The following TSHZ2 variants were observed in gnomAD, a reference collection of about 807,000 sequenced individuals.
The protein encoded by TSHZ2 is teashirt homolog 2.
A neutral mutation model predicts 74.4 loss-of-function variants in TSHZ2; 21 were observed. The ratio of observed to expected loss-of-function variants is 0.28; its 90% CI spans 0.20 to 0.41. The LOEUF is 0.41. Among genes scored for constraint, TSHZ2 ranks in the 10% least tolerant of loss-of-function variants. The probability of loss-of-function intolerance (pLI) is 1.00; values close to 1 mark genes in which losing one functional copy is unlikely to be tolerated. For missense variants in TSHZ2, 1,244 were observed against 1,293.5 expected (o/e 0.96, Z 0.59); for synonymous variants, 540 against 515.3 (o/e 1.05, Z -0.65).
chr20:53,334,572 C>T (rs1445793300), intron 2 of TSHZ2, among the ~76,000 whole-genome samples: 2 of 152,008 alleles, frequency 1.3e-5, no homozygotes, highest in African/African-American at 2.4e-5. Context: ...TTCCAGTGTG[C>T]GGCCAAGGGG....
At chr20:53,341,602 G>C (rs1406155077) in intron 2 of TSHZ2, among the ~76,000 whole-genome samples, 1 of 151,864 alleles carries the variant, frequency 6.6e-6, no homozygotes, top group East Asian at 1.9e-4. Flanking sequence ...TGGAATTACA[G>C]GCTTAAACCG....
chr20:53,153,790 C>T (rs1429651467), intron 1 of TSHZ2, among the ~76,000 whole-genome samples: 8 of 152,156 alleles, frequency 5.3e-5, no homozygotes, highest in Admixed American at 3.9e-4. Context: ...AAAACAGGGA[C>T]CACTTATTTA....
intron 1 of TSHZ2, among the ~76,000 whole-genome samples, chr20:53,156,788 A>G (rs929631015): frequency 2.0e-5 from 3 of 152,198 alleles, no homozygotes; most frequent in Non-Finnish European, 4.4e-5. Flanking sequence ...TTTCTGGCCT[A>G]CTTCATTTCC....
At chr20:52,987,532 C>CCTCT (rs373185852) in intron 1 of TSHZ2, among the ~76,000 whole-genome samples, 1 of 149,456 alleles carries the variant, frequency 6.7e-6, no homozygotes, top group Admixed American at 6.7e-5. Flanking sequence ...TTCTCTCTCT[C>CCTCT]CTCTCTCTCT....
Position 53,445,176 on chromosome 20 carries a change from G to A in TSHZ2, c.*9-41968G>A, listed in dbSNP as rs117809135. Among the ~76,000 whole-genome samples the A allele has an allele frequency of 2.2e-4, 34 of 152,310 alleles. No homozygotes were observed. In the East Asian group the frequency reaches 6.6e-3, roughly 29 times the overall value. On this transcript the variant is annotated intron_variant, in intron 2 of 2. Coordinates refer to ENST00000371497, the MANE Select transcript of TSHZ2 (RefSeq NM_173485.6). ...CAGCTACCAATCCTGGATGCAAACTGCTGTGCAGAATAATTGTCAAATGCT... is the reference window on the plus strand; with the variant it reads ...CAGCTACCAATCCTGGATGCAAACTACTGTGCAGAATAATTGTCAAATGCT...
At chr20:53,111,419 G>A (rs56785541) in intron 1 of TSHZ2, among the ~76,000 whole-genome samples, 9,853 of 152,138 alleles carry the variant, frequency 0.065, 762 homozygotes, top group East Asian at 0.37. Context: ...CATGAAAGGG[G>A]CTCTGATCCC....
intron 2 of TSHZ2, among the ~76,000 whole-genome samples, chr20:53,345,446 G>A (rs899881724): frequency 1.3e-4 from 20 of 151,744 alleles, no homozygotes; most frequent in Admixed American, 1.3e-4. Flanking sequence ...AGTGTAGACC[G>A]CCATAGGAAA....
At chr20:53,439,361 T>G (rs1012500714) in intron 2 of TSHZ2, among the ~76,000 whole-genome samples, 19 of 152,176 alleles carry the variant, frequency 1.2e-4, no homozygotes, top group Admixed American at 2.0e-4. Context: ...AAAAAAAAAT[T>G]TTTAACCTAA....
intron 1 of TSHZ2, among the ~76,000 whole-genome samples, chr20:53,114,729 A>G (rs965659928): frequency 1.1e-4 from 16 of 152,134 alleles, no homozygotes; most frequent in Non-Finnish European, 1.9e-4. Context: ...CCTAATTTCC[A>G]CTGAAATTCT....
intron 2 of TSHZ2, among the ~76,000 whole-genome samples, chr20:53,485,421 T>C (rs1036389409): frequency 6.6e-6 from 1 of 151,958 alleles, no homozygotes; most frequent in Non-Finnish European, 1.5e-5. Context: ...ACGAAATGCA[T>C]GGGAAGGCCA....
chr20:53,485,476 A>AG (rs1477189226), intron 2 of TSHZ2, among the ~76,000 whole-genome samples: 42 of 152,312 alleles, frequency 2.8e-4, no homozygotes, highest in African/African-American at 9.1e-4. Context: ...TGGGAGGCTG[A>AG]GGCAGGCGGA....
intron 1 of TSHZ2, among the ~76,000 whole-genome samples, chr20:53,046,040 C>T (rs1419267245): frequency 6.6e-6 from 1 of 152,162 alleles, no homozygotes; most frequent in Non-Finnish European, 1.5e-5. Context: ...CATTCTGTGA[C>T]TCCAAGATCC....
rs180917431 is a variant in TSHZ2, at chr20:53,068,947, G to A, written c.40+95614G>A. Reference sequence around the variant, plus strand: ...TAGAAGTTGAACACCTAAGAACCCCGTTTTTCTTAAAATAAAAAAAAAGGT... The same window carrying A: ...TAGAAGTTGAACACCTAAGAACCCCATTTTTCTTAAAATAAAAAAAAAGGT... On this transcript the variant is annotated intron_variant, in intron 1 of 2. Transcript: ENST00000371497. Among the ~76,000 whole-genome samples the A allele has an allele frequency of 9.3e-5, 14 of 149,758 alleles. No homozygotes were observed. The South Asian group carries it at 1.3e-3, about 14-fold the overall frequency.
intron 2 of TSHZ2, among the ~76,000 whole-genome samples, chr20:53,469,626 A>AGGG: frequency 1.8e-5 from 1 of 55,794 alleles, no homozygotes; most frequent in South Asian, 8.6e-4. Context: ...GAGAGGGAGG[A>AGGG]AGGGAGGGAG....
intron 1 of TSHZ2, among the ~76,000 whole-genome samples, chr20:53,001,178 T>G (rs1013958256): frequency 1.6e-5 from 2 of 128,716 alleles, no homozygotes; most frequent in Non-Finnish European, 1.8e-5. Flanking sequence ...GGGTTTACAA[T>G]GACAATGTTG....
chr20:53,102,564 A>G (rs1034776896), intron 1 of TSHZ2, among the ~76,000 whole-genome samples: 1 of 152,094 alleles, frequency 6.6e-6, no homozygotes, highest in African/African-American at 2.4e-5. Flanking sequence ...GAAGGGTGCA[A>G]TTTACGGAGA....
intron 2 of TSHZ2, among the ~76,000 whole-genome samples, chr20:53,298,891 C>T (rs939986451): frequency 2.0e-5 from 3 of 152,174 alleles, no homozygotes; most frequent in African/African-American, 7.2e-5. Flanking sequence ...CTTTTTGTCT[C>T]ATTTTTGAGA....
At chr20:53,283,090 C>T (rs943304054) in intron 2 of TSHZ2, among the ~76,000 whole-genome samples, 8 of 152,174 alleles carry the variant, frequency 5.3e-5, no homozygotes, top group African/African-American at 9.7e-5. Flanking sequence ...ATGGAGTTAG[C>T]GCCCTACCAG....
intron 1 of TSHZ2, among the ~76,000 whole-genome samples, chr20:53,123,201 C>T (rs6013636): frequency 5.5e-4 from 84 of 152,258 alleles, no homozygotes; most frequent in African/African-American, 2.0e-3. Flanking sequence ...TATTCTCATC[C>T]GTGTCAGTTA....
Sources: allele counts gnomAD v4.1 joint callset (sites outside exome capture counted in the v4.1 genomes callset), GRCh38; gene constraint gnomAD v4.1.1; transcripts MANE v1.5; gene names NCBI Gene and HGNC (gene_info 2026-07-23, HGNC 2026-07-21).